MYO9B: variants seen among roughly 807,000 people sequenced by gnomAD.
MYO9B encodes the protein unconventional myosin-IXb.
MYO9B carries 71 observed loss-of-function variants against 229.5 expected under a neutral mutation model. The observed-to-expected ratio is 0.31, with a 90% confidence interval of 0.26 to 0.38. The LOEUF (loss-of-function observed/expected upper bound fraction) is 0.38. Ranked by LOEUF, MYO9B falls within the 10% of genes least tolerant of loss-of-function variation. MYO9B has a pLI of 1.00. For missense variants in MYO9B, 2,255 were observed against 2,920.5 expected (o/e 0.77, Z 5.25); for synonymous variants, 1,185 against 1,235.8 (o/e 0.96, Z 0.86).
intron 2 of MYO9B, among the ~76,000 whole-genome samples, chr19:17,108,778 A>G (rs558968177): frequency 2.0e-5 from 3 of 151,732 alleles, no homozygotes; most frequent in South Asian, 2.1e-4. Flanking sequence ...GTGCAGTGGC[A>G]CGATCTCGGC....
intron 26 of MYO9B, among the ~76,000 whole-genome samples, chr19:17,201,378 G>C (rs1397854778): frequency 6.6e-6 from 1 of 152,162 alleles, no homozygotes; most frequent in African/African-American, 2.4e-5. Flanking sequence ...GCAGCAGATA[G>C]AGCTACATTT....
At chr19:17,082,686 G>A (rs1009290267) in intron 1 of MYO9B, among the ~76,000 whole-genome samples, 2 of 152,158 alleles carry the variant, frequency 1.3e-5, no homozygotes, top group Non-Finnish European at 2.9e-5. Context: ...GTCTTGTCAC[G>A]TGGAGATGCT....
chr19:17,196,478 T>C (rs1378566676), intron 22 of MYO9B, among the ~76,000 whole-genome samples: 3 of 151,328 alleles, frequency 2.0e-5, no homozygotes, highest in African/African-American at 7.3e-5. Context: ...TTGAGAGGAG[T>C]TCGAGACCAG....
chr19:17,132,525 A>ATTTTTTTTTTTTTTTTTT (rs35184435), intron 2 of MYO9B, among the ~76,000 whole-genome samples: 2 of 116,364 alleles, frequency 1.7e-5, no homozygotes, highest in Admixed American at 9.2e-5. Flanking sequence ...TATTATTATT[A>ATTTTTTTTTTTTTTTTTT]TTTTTTTTTT....
intron 2 of MYO9B, among the ~76,000 whole-genome samples, chr19:17,118,202 G>A (rs750586055): frequency 1.2e-4 from 19 of 152,022 alleles, no homozygotes; most frequent in Non-Finnish European, 2.6e-4. Flanking sequence ...TAGTGCTGAG[G>A]CAGAGAGACC....
At chr19:17,165,558 G>C (rs757752470) in intron 10 of MYO9B, among the ~76,000 whole-genome samples, 1 of 151,490 alleles carries the variant, frequency 6.6e-6, no homozygotes, top group African/African-American at 2.4e-5. Context: ...CTGGGCAACA[G>C]AGTAAGACCC....
chr19:17,099,815 TAAAA>T (rs34945453), intron 1 of MYO9B, among the ~76,000 whole-genome samples: 1,492 of 116,298 alleles, frequency 0.013, 39 homozygotes, highest in African/African-American at 0.046. Flanking sequence ...GAGACTGTCT[TAAAA>T]AAAAAAAAAA....
At chr19:17,210,422 T>A in intron 37 of MYO9B, 42 bp downstream of exon 37, 1 of 1,542,310 alleles carries the variant, frequency 6.5e-7, no homozygotes, top group Non-Finnish European at 8.8e-7. Context: ...TGTCTCCCGG[T>A]GCAGTGCATG....
chr19:17,202,943 G>A (rs1159270700), intron 29 of MYO9B, 60 bp downstream of exon 29: 5 of 1,551,244 alleles, frequency 3.2e-6, no homozygotes, highest in Non-Finnish European at 3.5e-6. Context: ...GAGCATGCAC[G>A]TGTGTGTCAG....
Position 17,192,487 on chromosome 19 carries a change from C to T in MYO9B, c.2812-259C>T, listed in dbSNP as rs554247699. Among the ~76,000 whole-genome samples the T allele has an allele frequency of 1.1e-4, 16 of 151,760 alleles. 1 individual carries two copies. The highest frequency in any genetic ancestry group is 5.8e-4 in the East Asian group (3 of 5,132). On this transcript the variant is annotated intron_variant, in intron 20 of 39. Coordinates refer to ENST00000682292, the MANE Select transcript of MYO9B (RefSeq NM_004145.4). ...ATGGGCACCTGTAGTCCCAGCTACT[C>T]GGGAGGCTGAGGCAGGAGAATCACT...
intron 2 of MYO9B, among the ~76,000 whole-genome samples, chr19:17,126,684 A>G (rs951950015): frequency 6.1e-5 from 8 of 130,884 alleles, no homozygotes; most frequent in Admixed American, 8.2e-5. Flanking sequence ...TTTTTTTTTG[A>G]GACGGAGTCT....
chr19:17,196,326 A>G (rs754389016), intron 22 of MYO9B, among the ~76,000 whole-genome samples: 7 of 151,980 alleles, frequency 4.6e-5, no homozygotes, highest in Non-Finnish European at 8.8e-5. Context: ...GATAGATAGA[A>G]GACAGGTAGT....
chr19:17,102,227 C>T lies in MYO9B; in HGVS notation c.510C>T (p.Phe170=). Residue 170 remains phenylalanine (F), a synonymous_variant, in exon 2 of 40, where the codon TTC becomes TTT. Transcript: ENST00000682292. The part of the protein sequence containing the change: ...GNLLKNLKHR[F]LQQKIYTYAG... ...TCCTGAAGAACCTCAAGCACCGCTTCCTGCAACAAAAGATCTACACGTACG... is the reference window on the plus strand; with the variant it reads ...TCCTGAAGAACCTCAAGCACCGCTTTCTGCAACAAAAGATCTACACGTACG... 1 of 1,583,886 alleles carries T rather than the reference C, an allele frequency of 6.3e-7. No homozygotes were observed. The highest frequency in any genetic ancestry group is 8.6e-7 in the Non-Finnish European group (1 of 1,164,856).
intron 1 of MYO9B, among the ~76,000 whole-genome samples, chr19:17,090,118 CTTTTTTTTTTTTTTTTTTTTTTTTTTTTT>C (rs59440394): frequency 2.0e-5 from 1 of 49,176 alleles, no homozygotes; most frequent in Non-Finnish European, 3.7e-5. Context: ...TGCTTCCTTC[CTTTTTTTTTTTTTTTTTTTTTTTTTTTTT>C]TTTTTTTTTT....
At position 17,211,940 on chromosome 19, in the gene MYO9B, GC is replaced by G; in HGVS notation, c.6109del (p.Leu2037SerfsTer16). On this transcript the variant is annotated frameshift_variant, in exon 40 of 40. Transcript: ENST00000682292. LOFTEE classifies it low-confidence loss of function (END_TRUNC). ...ALPCPGAPTP[S>X]PLPTVAAPPR... ...CCTTGCCCCGGCGCGCCCACCCCGA[GC>G]CCCCTCCCCACCGTGGCCGCCCCTC... is the stretch of plus-strand genomic sequence containing the variant. 8.5e-7 allele frequency: 1 copy of G among 1,183,080 alleles called. No homozygotes were observed. The highest frequency in any genetic ancestry group is 1.1e-6 in the Non-Finnish European group (1 of 884,830). 73.3% of individuals were successfully genotyped at this position (1,183,080 alleles called of 1,614,324 possible). A position where few individuals can be genotyped will look rare whatever the true frequency, so the allele number is the denominator to read the frequency against.
chr19:17,108,052 G>T (rs1035797971), intron 2 of MYO9B, among the ~76,000 whole-genome samples: 2 of 152,124 alleles, frequency 1.3e-5, no homozygotes, highest in Admixed American at 1.3e-4. Context: ...GATTGTCCTG[G>T]GGACCGGTAG....
rs767457481 is a variant in MYO9B at position 17,211,766 on chromosome 19, C to T, written c.6050C>T (p.Ala2017Val). 1 of 1,613,008 alleles carries T rather than the reference C, an allele frequency of 6.2e-7. No individual in the cohort carries two copies. Residue 2017 changes from alanine (A) to valine (V), a missense_variant, in exon 39 of 40, where the codon GCC becomes GTC. By Grantham distance (64) the Ala-to-Val change is moderately conservative (BLOSUM62 0). Transcript: ENST00000682292. ...CTGGAGGAGCGGGCCGGGCGGGGGG[C>T]CTCGGAAGGTCAGTATTAAGGTAGC... ...SLLEERAGRG[A>V]SEGPPAPALP... is the part of the protein sequence containing the mutation.
In MYO9B at chr19:17,102,162, G is replaced by C; in HGVS notation, c.445G>C (p.Asp149His). 1 of 1,613,818 alleles carries C rather than the reference G, an allele frequency of 6.2e-7. No individual in the cohort carries two copies. Among genetic ancestry groups the C allele is most frequent in the Non-Finnish European group, 8.5e-7 (1 of 1,179,882 alleles). ...GLLPRQQADF[D>H]DLCNLPELTE... is the part of the protein sequence containing the mutation. ...CCTGCCACGGCAGCAGGCGGACTTT[G>C]ATGACCTGTGTAACCTCCCCGAGCT... is the stretch of plus-strand genomic sequence containing the variant. Residue 149 changes from aspartate to histidine, a missense_variant, in exon 2 of 40, where the codon GAT becomes CAT. This residue lies in a region of MYO9B where 386 missense variants were observed against 515.2 expected (regional missense o/e 0.75). Transcript: ENST00000682292.
intron 3 of MYO9B, 117 bp from the exon 4 acceptor site, chr19:17,152,527 T>C (rs1366136562): frequency 2.6e-6 from 2 of 755,028 alleles, no homozygotes; most frequent in Non-Finnish European, 4.1e-6. Context: ...TGTGCCGTTG[T>C]ACTCCAGCCT....
Sources: gnomAD v4.1 joint callset for allele counts (sites outside exome capture counted in the v4.1 genomes callset) on GRCh38, gnomAD v4.1.1 for gene constraint, gnomAD v4.1.1 regional missense constraint, MANE v1.5 for transcripts, NCBI Gene and HGNC (gene_info 2026-07-23, HGNC 2026-07-21) for gene names.